INPP4A: variants seen among roughly 807,000 people sequenced by gnomAD.
The protein encoded by INPP4A is inositol polyphosphate-4-phosphatase, type I, 107kD.
In INPP4A, 33 loss-of-function variants were observed where a neutral mutation model predicts 119.8. That is an observed-to-expected ratio of 0.28 (90% CI 0.21 to 0.37). The LOEUF (loss-of-function observed/expected upper bound fraction) is 0.37. Ranked by LOEUF, INPP4A falls within the 10% of genes least tolerant of loss-of-function variation. The probability of loss-of-function intolerance (pLI) is 1.00; values close to 1 mark genes in which losing one functional copy is unlikely to be tolerated. For missense variants in INPP4A, 956 were observed against 1,289.9 expected, an observed-to-expected ratio of 0.74 and a Z score of 3.97; for synonymous variants, 496 against 500.7, an observed-to-expected ratio of 0.99 and a Z score of 0.12.
intron 24 of INPP4A, among the ~76,000 whole-genome samples, chr2:98,577,625 C>T (rs763866601): frequency 2.0e-5 from 3 of 152,326 alleles, no homozygotes; most frequent in East Asian, 1.9e-4. Flanking sequence ...CTCTAGCAGT[C>T]GACACCATTT....
intron 4 of INPP4A, among the ~76,000 whole-genome samples, chr2:98,523,078 C>T (rs186505551): frequency 1.6e-4 from 24 of 152,282 alleles, no homozygotes; most frequent in Non-Finnish European, 2.6e-4. Context: ...ACAGGGTCAT[C>T]ACAAGAGAGA....
At chr2:98,586,571 C>A (rs1483341101) in intron 24 of INPP4A, among the ~76,000 whole-genome samples, 1 of 152,214 alleles carries the variant, frequency 6.6e-6, no homozygotes, top group East Asian at 1.9e-4. Context: ...TTTATGTCTA[C>A]ACCTGAACAT....
chr2:98,469,061 G>C (rs1675415721), intron 1 of INPP4A, among the ~76,000 whole-genome samples: 1 of 152,182 alleles, frequency 6.6e-6, no homozygotes. Context: ...AGGGGCTTTT[G>C]AAAAACATGG....
intron 1 of INPP4A, among the ~76,000 whole-genome samples, chr2:98,482,506 G>A (rs897661736): frequency 1.3e-5 from 2 of 152,252 alleles, no homozygotes; most frequent in African/African-American, 2.4e-5. Flanking sequence ...GCACCTAGAG[G>A]CAGGTGCAAC....
rs1700103993 is a variant in INPP4A, at chr2:98,587,874, A to T, written c.*266A>T. 9.3e-6 allele frequency: 3 copies of T among 322,248 alleles called. No homozygotes were observed. The highest frequency in any genetic ancestry group is 1.7e-5 in the Non-Finnish European group (3 of 176,992). The allele number at this position is 322,248 out of a possible 1,614,324, so 20.0% of individuals were successfully genotyped here. ...AATTAAATAGCCTTTGGCTGTAACT[A>T]CACAGATCTCATCAATAGTTACCTA... is the stretch of plus-strand genomic sequence containing the variant. On this transcript the variant is annotated 3_prime_UTR_variant, in exon 25 of 25. Transcript: ENST00000409851.
At chr2:98,553,297 T>C (rs1230677228) in intron 14 of INPP4A, among the ~76,000 whole-genome samples, 1 of 152,142 alleles carries the variant, frequency 6.6e-6, no homozygotes, top group Non-Finnish European at 1.5e-5. Context: ...ACTAGCACTT[T>C]TTTTTTTTGG....
chr2:98,526,420 C>G (rs1226883266), intron 4 of INPP4A, among the ~76,000 whole-genome samples: 2 of 152,006 alleles, frequency 1.3e-5, no homozygotes, highest in Admixed American at 1.3e-4. Context: ...TTACAGAGAA[C>G]CAAAATTAAT....
chr2:98,571,716 A>G (rs942701340), intron 22 of INPP4A, among the ~76,000 whole-genome samples: 2 of 152,056 alleles, frequency 1.3e-5, no homozygotes, highest in African/African-American at 4.8e-5. Context: ...CCAGCTGAAT[A>G]CCCCCAAACT....
At chr2:98,462,534 T>G (rs191666302) in intron 1 of INPP4A, among the ~76,000 whole-genome samples, 33 of 149,018 alleles carry the variant, frequency 2.2e-4, no homozygotes, top group Admixed American at 8.7e-4. Context: ...ATTATTATTG[T>G]TTTTTTTTTG....
At chr2:98,473,503 G>A (rs995630070) in intron 1 of INPP4A, among the ~76,000 whole-genome samples, 2 of 152,212 alleles carry the variant, frequency 1.3e-5, no homozygotes, top group Non-Finnish European at 2.9e-5. Context: ...GCAGTTGAGA[G>A]TGTGGAGGGC....
intron 1 of INPP4A, among the ~76,000 whole-genome samples, chr2:98,472,096 C>T (rs957545863): frequency 6.6e-6 from 1 of 152,226 alleles, no homozygotes; most frequent in African/African-American, 2.4e-5. Flanking sequence ...TCCCATGTGA[C>T]TCCATTTTCT....
intron 16 of INPP4A, among the ~76,000 whole-genome samples, chr2:98,557,214 TTATA>T (rs1694648560): frequency 6.6e-6 from 1 of 152,214 alleles, no homozygotes; most frequent in South Asian, 2.1e-4. Flanking sequence ...AAGTGAGCAT[TTATA>T]TATGCTATTT....
chr2:98,542,990 G>T (rs956681734), intron 10 of INPP4A, among the ~76,000 whole-genome samples: 3 of 151,770 alleles, frequency 2.0e-5, no homozygotes, highest in Non-Finnish European at 4.4e-5. Context: ...TGCGATCCTG[G>T]CTCACTGCAA....
chr2:98,562,429 T>G (rs766752923), intron 17 of INPP4A, among the ~76,000 whole-genome samples: 39 of 152,238 alleles, frequency 2.6e-4, no homozygotes, highest in Non-Finnish European at 4.7e-4. Flanking sequence ...TCTGTTTATC[T>G]AAGACAGAGT....
At chr2:98,479,141 C>A (rs914841681) in intron 1 of INPP4A, among the ~76,000 whole-genome samples, 1 of 152,182 alleles carries the variant, frequency 6.6e-6, no homozygotes. Flanking sequence ...CTGTTCCACT[C>A]CCCACTCAAG....
intron 24 of INPP4A, among the ~76,000 whole-genome samples, chr2:98,581,115 C>T (rs760230735): frequency 5.9e-5 from 9 of 152,174 alleles, no homozygotes; most frequent in Non-Finnish European, 1.3e-4. Context: ...TTTGTACCAC[C>T]CCCTGCTCAG....
Position 98,546,459 on chromosome 2 carries a change from G to T in INPP4A, c.1055-127G>T. On this transcript the variant is annotated intron_variant, in intron 12 of 24. Coordinates refer to ENST00000409851, the MANE Select transcript of INPP4A (RefSeq NM_001134225.2). The surrounding 1 kb of genome is among the most constrained non-coding windows in gnomAD (Gnocchi z 4.2). ...TTGGGCAGCCAGGGCTGTGGGATCA[G>T]GGGAACCAAAGGCTGTACAGCAGTG... The T allele has an allele frequency of 1.5e-6, 1 of 653,526 alleles. No homozygotes were observed. The highest frequency in any genetic ancestry group is 2.0e-5 in the South Asian group (1 of 49,108). The allele number at this position is 653,526 out of a possible 1,614,324, so 40.5% of individuals were successfully genotyped here.
chr2:98,460,404 C>T (rs1401806785), intron 1 of INPP4A, among the ~76,000 whole-genome samples: 3 of 152,092 alleles, frequency 2.0e-5, no homozygotes, highest in Non-Finnish European at 4.4e-5. Flanking sequence ...TCAGGAGAGG[C>T]AGGGCCAGAT....
At chr2:98,470,291 G>C (rs948839191) in intron 1 of INPP4A, among the ~76,000 whole-genome samples, 3 of 152,228 alleles carry the variant, frequency 2.0e-5, no homozygotes, top group African/African-American at 7.2e-5. Flanking sequence ...TGGTGCAGGT[G>C]GGGAGACCTG....
Sources: gnomAD v4.1 joint callset for allele counts (sites outside exome capture counted in the v4.1 genomes callset) on GRCh38, gnomAD v4.1.1 for gene constraint, Gnocchi (gnomAD v3.1) non-coding constraint, MANE v1.5 for transcripts, NCBI Gene and HGNC (gene_info 2026-07-23, HGNC 2026-07-21) for gene names.